The following WSB1 variants were observed in gnomAD, a reference collection of about 807,000 sequenced individuals.
The protein encoded by WSB1 is WD repeat and SOCS box containing 1.
WSB1 carries 23 observed loss-of-function variants against 50.2 expected under a neutral mutation model. The ratio of observed to expected loss-of-function variants is 0.46; its 90% confidence interval spans 0.33 to 0.65. WSB1 has a LOEUF of 0.65. WSB1 is among the 30% of genes least tolerant of loss of function. The pLI is 0.02. For missense variants in WSB1, 492 were observed against 522.3 expected, an observed-to-expected ratio of 0.94 and a Z score of 0.56; for synonymous variants, 179 against 172.0, an observed-to-expected ratio of 1.04 and a Z score of -0.32.
rs1196721305 is a variant in WSB1 at position 27,306,251 on chromosome 17, C to T, written c.611-531C>T. On this transcript the variant is annotated intron_variant, in intron 4 of 8. Coordinates refer to ENST00000262394, the MANE Select transcript of WSB1 (RefSeq NM_015626.10). Reference sequence around the variant, plus strand: ...TTTTTGAGATGGAGTCTCGCTCTTTCGCCCAGGCTGGAGTGCAGCGGCGTG... The same window carrying T: ...TTTTTGAGATGGAGTCTCGCTCTTTTGCCCAGGCTGGAGTGCAGCGGCGTG... Among the ~76,000 whole-genome samples, 3 of 112,206 alleles carry T rather than the reference C, an allele frequency of 2.7e-5. No homozygotes were observed. In the Admixed American group the frequency reaches 4.3e-4, roughly 16 times the overall value. 73.6% of individuals were successfully genotyped at this position (112,206 alleles called of 152,430 possible). A position where few individuals can be genotyped will look rare whatever the true frequency, so the allele number is the denominator to read the frequency against.
At position 27,309,233 on chromosome 17, in the gene WSB1, T is replaced by C; in HGVS notation, c.845T>C (p.Ile282Thr). ...ATASYDTRVY[I>T]WDPHNGDILM... ...GCATCTTATGATACTCGAGTATATA[T>C]CTGGGATCCACATAATGGAGACATT... Residue 282 changes from isoleucine (I) to threonine (T), a missense_variant, in exon 6 of 9, where the codon ATC (isoleucine) becomes ACC (threonine). Transcript: ENST00000262394. The C allele has an allele frequency of 6.2e-7, 1 of 1,611,638 alleles. No individual in the cohort carries two copies. The highest frequency in any genetic ancestry group is 8.5e-7 in the Non-Finnish European group (1 of 1,178,808).
chr17:27,307,112 A>AT, intron 5 of WSB1: 1 of 495,296 alleles, frequency 2.0e-6, no homozygotes, highest in South Asian at 2.6e-5. Flanking sequence ...TGGGCATATC[A>AT]GGGTTTTTTT....
chr17:27,303,555 G>A lies in WSB1; in HGVS notation c.398G>A (p.Arg133His), dbSNP rs761981998. The stretch of plus-strand genomic sequence containing the variant: ...CGCTGTGTAAATATAGAATGGCATC[G>A]CTTCAGATTTGGACAAGATCAGCTA... ...QSRCVNIEWH[R>H]FRFGQDQLLL... Residue 133 changes from arginine (R) to histidine (H), a missense_variant, in exon 3 of 9, where the codon CGC (arginine) becomes CAC (histidine). Transcript: ENST00000262394. 1.2e-5 allele frequency: 19 copies of A among 1,613,996 alleles called. No homozygotes were observed. Among genetic ancestry groups the A allele is most frequent in the East Asian group, 4.5e-5 (2 of 44,888 alleles).
chr17:27,307,127 TG>T (rs1393961745), intron 5 of WSB1: 3 of 464,316 alleles, frequency 6.5e-6, no homozygotes, highest in Non-Finnish European at 1.2e-5. Context: ...TTTTTTTTTT[TG>T]TAAGTCTAGA....
intron 1 of WSB1, among the ~76,000 whole-genome samples, chr17:27,301,009 T>C (rs931873269): frequency 6.6e-6 from 1 of 151,960 alleles, no homozygotes; most frequent in African/African-American, 2.4e-5. Context: ...CATCCTGGGA[T>C]TACAGGCGCC....
chr17:27,303,991 C>T (rs977747112), intron 3 of WSB1, among the ~76,000 whole-genome samples: 2 of 152,034 alleles, frequency 1.3e-5, no homozygotes, highest in African/African-American at 2.4e-5. Context: ...TAGAGGTTTT[C>T]GAGGTAAATC....
intron 4 of WSB1, 65 bp from the exon 5 acceptor site, chr17:27,306,717 G>C (rs2017475782): frequency 6.6e-7 from 1 of 1,519,820 alleles, no homozygotes; most frequent in Non-Finnish European, 9.1e-7. Flanking sequence ...CTTTACTGCT[G>C]TTTTGAAATA....
rs1446417511 is a variant in WSB1, at chr17:27,310,162, T to TTGC, written c.989_991dup (p.Ala330dup). ...CATGATGGACTGCATGTTGCAAGCCTTGCTGATGATAAGTAAGTATGTGCA... is the reference window on the plus strand; with the variant it reads ...CATGATGGACTGCATGTTGCAAGCCTTGCTGCTGATGATAAGTAAGTATGTGCA... On this transcript the variant is annotated inframe_insertion, in exon 7 of 9. Coordinates refer to ENST00000262394, the MANE Select transcript of WSB1 (RefSeq NM_015626.10). The TTGC allele has an allele frequency of 9.9e-6, 16 of 1,613,788 alleles. No individual in the cohort carries two copies. Among genetic ancestry groups the TTGC allele is most frequent in the Non-Finnish European group, 1.4e-5 (16 of 1,179,806 alleles).
At chr17:27,294,656 G>A (rs899459981) in intron 1 of WSB1, among the ~76,000 whole-genome samples, 3 of 152,214 alleles carry the variant, frequency 2.0e-5, no homozygotes, top group Non-Finnish European at 4.4e-5. Context: ...CGCGGTTGCT[G>A]TGTGGCTGGG....
At chr17:27,305,357 A>G (rs2017405248) in intron 4 of WSB1, among the ~76,000 whole-genome samples, 2 of 152,254 alleles carry the variant, frequency 1.3e-5, no homozygotes, top group African/African-American at 4.8e-5. Context: ...ACATGTGAAT[A>G]TTAGTAAACG....
rs11550667 is a variant in WSB1, at chr17:27,294,256, C to G, written c.-140C>G. The G allele has an allele frequency of 8.4e-7, 1 of 1,190,762 alleles. No homozygotes were observed. The allele number at this position is 1,190,762 out of a possible 1,614,324, so 73.8% of individuals were successfully genotyped here. A position where few individuals can be genotyped will look rare whatever the true frequency, so the allele number is the denominator to read the frequency against. On this transcript the variant is annotated 5_prime_UTR_variant, in exon 1 of 9. Transcript: ENST00000262394. Reference sequence around the variant, plus strand: ...CTTTCCCGAGGCAGTTAGCAGAAGCCGCAGCGGCCGCCCCCGCCCGTCTCC... The same window carrying G: ...CTTTCCCGAGGCAGTTAGCAGAAGCGGCAGCGGCCGCCCCCGCCCGTCTCC...
intron 3 of WSB1, 152 bp downstream of exon 3, chr17:27,303,787 T>C: frequency 1.1e-6 from 1 of 887,326 alleles, no homozygotes; most frequent in Admixed American, 2.6e-5. Context: ...GAATGTCACC[T>C]TCTTCAGCTC....
chr17:27,308,840 G>A (rs1321362898), intron 5 of WSB1: 3 of 1,074,380 alleles, frequency 2.8e-6, no homozygotes, highest in African/African-American at 1.7e-5. Flanking sequence ...TGGTTAAATT[G>A]CATTGCCTTT....
chr17:27,307,613 T>G, intron 5 of WSB1: 1 of 867,268 alleles, frequency 1.2e-6, no homozygotes, highest in Non-Finnish European at 1.7e-6. Flanking sequence ...ATGATAGTTA[T>G]AAATGTTGGA....
chr17:27,301,458 G>A (rs1362620934), intron 1 of WSB1, among the ~76,000 whole-genome samples: 5 of 152,258 alleles, frequency 3.3e-5, no homozygotes, highest in East Asian at 3.9e-4. Flanking sequence ...TGATGAGAAC[G>A]TAATACAATG....
intron 5 of WSB1, chr17:27,307,854 G>A: frequency 1.3e-6 from 2 of 1,495,754 alleles, no homozygotes; most frequent in Non-Finnish European, 1.8e-6. Context: ...ACCGGGCTGG[G>A]GGCGACCTTT....
Position 27,303,417 on chromosome 17 carries a change from C to G in WSB1, c.260C>G (p.Pro87Arg), listed in dbSNP as rs942587496. The change falls in exon 3 of 9, where the codon CCA (proline) becomes CGA (arginine). Residue 87 changes from proline (P) to arginine (R), a missense_variant. Pro to Arg is a moderately radical substitution (Grantham distance 103). Coordinates refer to ENST00000262394, the MANE Select transcript of WSB1 (RefSeq NM_015626.10). ...NVTNSSSLRL[P>R]RQNSDGGQKN... ...ACCAATTCAAGCAGTTTAAGATTGC[C>G]AAGACAAAATAGTGATGGTGGTCAG... is the stretch of plus-strand genomic sequence containing the variant. 1.5e-5 allele frequency: 24 copies of G among 1,613,814 alleles called. No individual in the cohort carries two copies. Among genetic ancestry groups the G allele is most frequent in the Non-Finnish European group, 2.0e-5 (24 of 1,180,000 alleles).
intron 1 of WSB1, among the ~76,000 whole-genome samples, chr17:27,296,281 T>G (rs1243292440): frequency 5.9e-5 from 9 of 151,930 alleles, no homozygotes; most frequent in Admixed American, 5.9e-4. Flanking sequence ...CAGTGTTATT[T>G]CCTGGATACG....
rs1308030084 is a variant in WSB1, at chr17:27,313,636, A to G, written c.*1267A>G. On this transcript the variant is annotated 3_prime_UTR_variant, in exon 9 of 9. Transcript: ENST00000262394. ...AAGACTTGTAAAAAAAAAAAACAGT[A>G]TATTGCAAATGTTTCTTAAATAGGT... 6.6e-6 allele frequency: 1 copy of G among 152,210 alleles called. No homozygotes were observed. The highest frequency in any genetic ancestry group is 1.5e-5 in the Non-Finnish European group (1 of 67,960). The allele number at this position is 152,210 out of a possible 1,614,324, so 9.4% of individuals were successfully genotyped here.
Sources: gnomAD v4.1 joint callset for allele counts (sites outside exome capture counted in the v4.1 genomes callset) on GRCh38, gnomAD v4.1.1 for gene constraint, MANE v1.5 for transcripts, NCBI Gene and HGNC (gene_info 2026-07-23, HGNC 2026-07-21) for gene names.